The following NEGR1 variants were observed in gnomAD, a reference collection of about 807,000 sequenced individuals.
NEGR1 encodes IgLON family member 4.
Under a neutral mutation model 40.9 loss-of-function variants are expected in NEGR1, and 10 were observed. The observed-to-expected ratio is 0.24, with a 90% CI of 0.15 to 0.42. The LOEUF (loss-of-function observed/expected upper bound fraction) is 0.42, where lower values mean the gene tolerates loss of function less well. Ranked by LOEUF, NEGR1 falls within the 10% of genes least tolerant of loss-of-function variation. The pLI is 1.00. For missense variants in NEGR1, 352 were observed against 438.9 expected, an observed-to-expected ratio of 0.80 and a Z score of 1.77; for synonymous variants, 185 against 166.8, an observed-to-expected ratio of 1.11 and a Z score of -0.84.
chr1:71,720,277 A>T (rs1318972761), intron 3 of NEGR1, among the ~76,000 whole-genome samples: 1 of 152,096 alleles, frequency 6.6e-6, no homozygotes, highest in Non-Finnish European at 1.5e-5. Flanking sequence ...AAATCGATTG[A>T]CTCTATCAAT....
chr1:71,464,205 A>G (rs1374988744), intron 6 of NEGR1, among the ~76,000 whole-genome samples: 1 of 152,142 alleles, frequency 6.6e-6, no homozygotes, highest in Non-Finnish European at 1.5e-5. Flanking sequence ...TCAGTGTTGT[A>G]TCATCAAGTC....
chr1:72,127,844 T>C (rs558062164), intron 1 of NEGR1, among the ~76,000 whole-genome samples: 39 of 152,256 alleles, frequency 2.6e-4, no homozygotes, highest in South Asian at 1.2e-3. Context: ...TCTTTTGTCA[T>C]CTTTTTCAAA....
Position 71,597,472 on chromosome 1 carries a change from C to CTCTG in NEGR1, c.789-4505_789-4504insCAGA, listed in dbSNP as rs756076229. ...TCTCTCTCTCTCTCTCTCTCTCTCTCTGTGTGTGTGTGTGTGTGTGTGTGT... is the reference window on the plus strand; with the variant it reads ...TCTCTCTCTCTCTCTCTCTCTCTCTCTCTGTGTGTGTGTGTGTGTGTGTGTGTGT... On this transcript the variant is annotated intron_variant, in intron 5 of 6. Transcript: ENST00000357731. Among the ~76,000 whole-genome samples, 16 of 31,332 alleles carry CTCTG rather than the reference C, an allele frequency of 5.1e-4. No homozygotes were observed. The East Asian group carries it at 0.013, about 25-fold the overall frequency. The allele number at this position is 31,332 out of a possible 152,430, so 20.6% of individuals were successfully genotyped here.
chr1:71,476,145 TC>T (rs1396178821), intron 6 of NEGR1, among the ~76,000 whole-genome samples: 2 of 152,086 alleles, frequency 1.3e-5, no homozygotes, highest in Non-Finnish European at 2.9e-5. Flanking sequence ...ATTAATCTCA[TC>T]AATCTTTCCT....
intron 4 of NEGR1, among the ~76,000 whole-genome samples, chr1:71,642,151 T>G (rs566454202): frequency 1.4e-4 from 21 of 152,068 alleles, no homozygotes; most frequent in African/African-American, 4.6e-4. Context: ...ATTCAGACGT[T>G]CATTGGGATA....
At chr1:72,213,103 G>T (rs1653671241) in intron 1 of NEGR1, among the ~76,000 whole-genome samples, 2 of 151,864 alleles carry the variant, frequency 1.3e-5, no homozygotes, top group Non-Finnish European at 2.9e-5. Flanking sequence ...TGATGAAAAA[G>T]AATAAATATT....
intron 1 of NEGR1, among the ~76,000 whole-genome samples, chr1:72,226,072 T>A (rs565857804): frequency 9.9e-5 from 15 of 151,894 alleles, no homozygotes; most frequent in Middle Eastern, 3.5e-3. Context: ...TAGCCATATA[T>A]ATTGTTAGGG....
intron 1 of NEGR1, among the ~76,000 whole-genome samples, chr1:71,978,275 G>T (rs1478239907): frequency 2.0e-5 from 3 of 152,148 alleles, no homozygotes; most frequent in African/African-American, 7.2e-5. Flanking sequence ...TTCTCTTTGA[G>T]TGAACAAGAA....
chr1:71,497,099 T>C (rs373571636), intron 6 of NEGR1, among the ~76,000 whole-genome samples: 50 of 152,230 alleles, frequency 3.3e-4, no homozygotes, highest in African/African-American at 1.2e-3. Flanking sequence ...GGGCCACGAG[T>C]TTATTAATAT....
intron 2 of NEGR1, among the ~76,000 whole-genome samples, chr1:71,885,725 T>G (rs1053727220): frequency 2.0e-5 from 3 of 152,202 alleles, no homozygotes; most frequent in African/African-American, 7.2e-5. Context: ...TTTTAGAGAA[T>G]AAATTTTCCT....
intron 1 of NEGR1, among the ~76,000 whole-genome samples, chr1:72,218,381 G>A (rs553907477): frequency 6.6e-6 from 1 of 151,804 alleles, no homozygotes; most frequent in Non-Finnish European, 1.5e-5. Flanking sequence ...AGAAAAAAAA[G>A]TAAGATTCTC....
chr1:71,646,784 T>C (rs144413233), intron 4 of NEGR1, among the ~76,000 whole-genome samples: 2 of 151,932 alleles, frequency 1.3e-5, no homozygotes, highest in East Asian at 3.9e-4. Flanking sequence ...CTGAGAGGGC[T>C]CTTCAGGGAC....
rs550815880 is a variant in NEGR1 at position 72,274,810 on chromosome 1, G to A, written c.176+7509C>T. 28 of 1,484,638 alleles carry A rather than the reference G, an allele frequency of 1.9e-5. No homozygotes were observed. In the African/African-American group the frequency reaches 2.8e-4, roughly 15 times the overall value. The allele number at this position is 1,484,638 out of a possible 1,614,324, so 92.0% of individuals were successfully genotyped here. A position where few individuals can be genotyped will look rare whatever the true frequency, so the allele number is the denominator to read the frequency against. ...TGTAAAAGATCGGGTAGAAAAAGTGGGCCAGGTGATCAGAGTTATTTGCAT... is the reference window on the plus strand; with the variant it reads ...TGTAAAAGATCGGGTAGAAAAAGTGAGCCAGGTGATCAGAGTTATTTGCAT... On this transcript the variant is annotated intron_variant, in intron 1 of 6. Transcript: ENST00000357731.
At chr1:71,761,945 T>C (rs1388016539) in intron 3 of NEGR1, among the ~76,000 whole-genome samples, 3 of 152,116 alleles carry the variant, frequency 2.0e-5, no homozygotes, top group Non-Finnish European at 4.4e-5. Flanking sequence ...CCAAGTTTGC[T>C]TGACAGTTAA....
intron 6 of NEGR1, among the ~76,000 whole-genome samples, chr1:71,587,299 G>T (rs1323346154): frequency 3.3e-5 from 5 of 152,066 alleles, no homozygotes; most frequent in African/African-American, 1.2e-4. Context: ...GCTTGCATCG[G>T]TTGAATCTAA....
At chr1:71,930,258 C>G (rs1418203034) in intron 2 of NEGR1, among the ~76,000 whole-genome samples, 1 of 152,072 alleles carries the variant, frequency 6.6e-6, no homozygotes, top group African/African-American at 2.4e-5. Flanking sequence ...CCTTATACCT[C>G]ACCGTGATGC....
At chr1:71,963,095 T>G (rs1256881587) in intron 1 of NEGR1, among the ~76,000 whole-genome samples, 1 of 152,060 alleles carries the variant, frequency 6.6e-6, no homozygotes, top group Non-Finnish European at 1.5e-5. Flanking sequence ...ATATCTATTT[T>G]TTTTTAAAAG....
At chr1:72,213,985 AATCTAGCGGCAC>A (rs1176515644) in intron 1 of NEGR1, among the ~76,000 whole-genome samples, 2 of 152,090 alleles carry the variant, frequency 1.3e-5, no homozygotes, top group Admixed American at 1.3e-4. Context: ...TGGCAAAATG[AATCTAGCGGCAC>A]ATCAAAAAGC....
intron 2 of NEGR1, among the ~76,000 whole-genome samples, chr1:71,830,655 G>A (rs1050623119): frequency 6.6e-6 from 1 of 151,878 alleles, no homozygotes; most frequent in Admixed American, 6.6e-5. Flanking sequence ...GAGCCAGAAA[G>A]GAGGATAGGG....
Sources: gnomAD v4.1 joint callset for allele counts (sites outside exome capture counted in the v4.1 genomes callset) on GRCh38, gnomAD v4.1.1 for gene constraint, MANE v1.5 for transcripts, NCBI Gene and HGNC (gene_info 2026-07-23, HGNC 2026-07-21) for gene names.